Variants in FAM20B observed in about 807,000 individuals in gnomAD.
The protein encoded by FAM20B is FAM20B glycosaminoglycan xylosylkinase.
In FAM20B, 23 loss-of-function variants were observed where a neutral mutation model predicts 43.8. The observed-to-expected ratio is 0.53, with a 90% CI of 0.38 to 0.74. The LOEUF (loss-of-function observed/expected upper bound fraction) is 0.74, where lower values mean the gene tolerates loss of function less well. Ranked by LOEUF, FAM20B falls within the 30% of genes least tolerant of loss-of-function variation. FAM20B has a pLI of 0.00. For missense variants in FAM20B, 440 were observed against 510.5 expected (o/e 0.86, Z 1.33); for synonymous variants, 178 against 192.4 (o/e 0.93, Z 0.62).
chr1:179,046,703 TTAAA>T (rs1650788129), intron 2 of FAM20B, among the ~76,000 whole-genome samples: 1 of 147,246 alleles, frequency 6.8e-6, no homozygotes, highest in African/African-American at 2.5e-5. Context: ...CATTTTGTGT[TTAAA>T]TAAGAGGAGA....
intron 2 of FAM20B, among the ~76,000 whole-genome samples, chr1:179,045,630 C>T (rs1281567283): frequency 6.6e-5 from 10 of 152,036 alleles, no homozygotes; most frequent in Admixed American, 3.3e-4. Flanking sequence ...TGGGGCTGGG[C>T]GTGATGGCTC....
intron 2 of FAM20B, among the ~76,000 whole-genome samples, chr1:179,045,112 G>A (rs1650707510): frequency 1.3e-5 from 2 of 152,144 alleles, no homozygotes; most frequent in Admixed American, 1.3e-4. Context: ...GATCTACAGA[G>A]ATAATTTGTG....
chr1:179,047,478 C>G (rs924008857), intron 2 of FAM20B, among the ~76,000 whole-genome samples: 1 of 152,142 alleles, frequency 6.6e-6, no homozygotes, highest in Non-Finnish European at 1.5e-5. Context: ...TCCTTTTGCT[C>G]TTTGTTTCTG....
At chr1:179,027,699 C>T (rs1649843361) in intron 1 of FAM20B, among the ~76,000 whole-genome samples, 1 of 152,188 alleles carries the variant, frequency 6.6e-6, no homozygotes, top group Admixed American at 6.5e-5. Context: ...ATGATCAAGA[C>T]ATCTTGGAGT....
intron 4 of FAM20B, among the ~76,000 whole-genome samples, chr1:179,061,366 G>T (rs1369490908): frequency 2.0e-5 from 3 of 149,654 alleles, no homozygotes; most frequent in African/African-American, 7.4e-5. Flanking sequence ...TTTTTTTTTT[G>T]AAATGCTCTC....
intron 2 of FAM20B, among the ~76,000 whole-genome samples, chr1:179,045,329 T>C (rs1205351184): frequency 2.0e-5 from 3 of 152,242 alleles, no homozygotes; most frequent in Non-Finnish European, 4.4e-5. Flanking sequence ...CTGAAATCTT[T>C]TGGGTACTAA....
intron 1 of FAM20B, among the ~76,000 whole-genome samples, 184 bp downstream of exon 1, chr1:179,026,282 G>A (rs1649770096): frequency 6.6e-6 from 1 of 151,444 alleles, no homozygotes; most frequent in South Asian, 2.1e-4. Flanking sequence ...CCGAGTGGCT[G>A]CGGGCGGGTC....
intron 4 of FAM20B, among the ~76,000 whole-genome samples, chr1:179,058,068 C>G (rs984426480): frequency 1.3e-5 from 2 of 152,106 alleles, no homozygotes; most frequent in African/African-American, 4.8e-5. Context: ...AATTAAAATA[C>G]ATAGACTTAT....
In FAM20B at chr1:179,076,475, C is replaced by G. The variant is rs1652132693; in HGVS notation, c.*4331C>G. 1 of 152,384 alleles carries G rather than the reference C, an allele frequency of 6.6e-6. No individual in the cohort carries two copies. The highest frequency in any genetic ancestry group is 2.1e-4 in the South Asian group (1 of 4,804). The allele number at this position is 152,384 out of a possible 1,614,324, so 9.4% of individuals were successfully genotyped here. Reference sequence around the variant, plus strand: ...ACAGAGATTGTACTTGGTAAGATACCAAACAAGACAGATATGGATCTAAAT... The same window carrying G: ...ACAGAGATTGTACTTGGTAAGATACGAAACAAGACAGATATGGATCTAAAT... On this transcript the variant is annotated 3_prime_UTR_variant, in exon 8 of 8. Transcript: ENST00000263733.
At chr1:179,041,671 G>GGAGGGAGAGGGAGAGGGA (rs71108086) in intron 1 of FAM20B, among the ~76,000 whole-genome samples, 2 of 141,146 alleles carry the variant, frequency 1.4e-5, no homozygotes, top group African/African-American at 5.7e-5. Context: ...TGGGAGACAG[G>GGAGGGAGAGGGAGAGGGA]GAGGGAGAGG....
chr1:179,044,112 C>T lies in FAM20B; in HGVS notation c.265C>T (p.His89Tyr), dbSNP rs772801458. The T allele has an allele frequency of 9.3e-6, 15 of 1,613,980 alleles. No individual in the cohort carries two copies. The highest frequency in any genetic ancestry group is 1.2e-5 in the Non-Finnish European group (14 of 1,180,012). Residue 89 changes from histidine to tyrosine, a missense_variant, in exon 2 of 8, where the codon CAT becomes TAT. Physicochemically the swap from His to Tyr is moderately conservative, Grantham distance 83 (BLOSUM62 2). Coordinates refer to ENST00000263733, the MANE Select transcript of FAM20B (RefSeq NM_014864.4). ...EETPELGAVM[H>Y]AMATKKIIKA... ...GACACCAGAGCTGGGGGCAGTCATG[C>T]ATGCCATGGCCACCAAGAAAATCAT...
chr1:179,041,472 G>A (rs11581232), intron 1 of FAM20B, among the ~76,000 whole-genome samples: 117,726 of 152,062 alleles, frequency 0.77, 46,501 homozygotes, highest in African/African-American at 0.93. Flanking sequence ...CGGCCAACAC[G>A]GCAAAACCCC....
intron 1 of FAM20B, among the ~76,000 whole-genome samples, chr1:179,033,331 ACTTTGTTAATTATGTAT>A (rs1650085290): frequency 6.6e-6 from 1 of 152,218 alleles, no homozygotes; most frequent in African/African-American, 2.4e-5. Flanking sequence ...CCTTTAAGAG[ACTTTGTTAATTATGTAT>A]CTTTCTAAAT....
intron 1 of FAM20B, among the ~76,000 whole-genome samples, chr1:179,036,916 G>C (rs1650257138): frequency 1.3e-5 from 2 of 152,148 alleles, no homozygotes; most frequent in African/African-American, 4.8e-5. Flanking sequence ...GGAGGAGATT[G>C]GAAGAAATGT....
chr1:179,030,891 AAAT>A (rs1649982981), intron 1 of FAM20B, among the ~76,000 whole-genome samples: 1 of 151,954 alleles, frequency 6.6e-6, no homozygotes, highest in Non-Finnish European at 1.5e-5. Context: ...AAAAAAAAAA[AAAT>A]GTGTGTGTGT....
chr1:179,034,311 A>G (rs1400561335), intron 1 of FAM20B, among the ~76,000 whole-genome samples: 1 of 152,190 alleles, frequency 6.6e-6, no homozygotes, highest in African/African-American at 2.4e-5. Context: ...AGTCATTTCC[A>G]CAACATTCTA....
Position 179,050,360 on chromosome 1 carries a change from G to C in FAM20B, c.459G>C (p.Leu153Phe). 1 of 1,612,370 alleles carries C rather than the reference G, an allele frequency of 6.2e-7. No homozygotes were observed. The highest frequency in any genetic ancestry group is 8.5e-7 in the Non-Finnish European group (1 of 1,178,456). ...ATGCAGAGGTAGCAGCCTTTCACTT[G>C]GACAGGTGCGTATGATCACAGCAGC... ...RHNAEVAAFHLDRILGFHRAP... is the reference protein window; with the variant it reads ...RHNAEVAAFHFDRILGFHRAP... Residue 153 changes from leucine to phenylalanine, a missense_variant, in exon 3 of 8, where the codon TTG becomes TTC. Coordinates refer to ENST00000263733, the MANE Select transcript of FAM20B (RefSeq NM_014864.4).
chr1:179,019,947 G>T, the FAM20B span, among the ~76,000 whole-genome samples: 1 of 152,116 alleles, frequency 6.6e-6, no homozygotes, highest in South Asian at 2.1e-4. Flanking sequence ...GCCCCAGAGG[G>T]GTACAGCAGC....
Position 179,074,342 on chromosome 1 carries a change from G to A in FAM20B, c.*2198G>A, listed in dbSNP as rs887651168. Reference sequence around the variant, plus strand: ...CACAGCTCAGTATGAGAATACCTTGGTTAGTGCTCACCCACAAGCTTCCAG... The same window carrying A: ...CACAGCTCAGTATGAGAATACCTTGATTAGTGCTCACCCACAAGCTTCCAG... On this transcript the variant is annotated 3_prime_UTR_variant, in exon 8 of 8. Transcript: ENST00000263733. 4 of 152,648 alleles carry A rather than the reference G, an allele frequency of 2.6e-5. No homozygotes were observed. Among genetic ancestry groups the A allele is most frequent in the African/African-American group, 9.7e-5 (4 of 41,446 alleles). The allele number at this position is 152,648 out of a possible 1,614,324, so 9.5% of individuals were successfully genotyped here. A position where few individuals can be genotyped will look rare whatever the true frequency, so the allele number is the denominator to read the frequency against.
Sources: gnomAD v4.1 joint callset for allele counts (sites outside exome capture counted in the v4.1 genomes callset) on GRCh38, gnomAD v4.1.1 for gene constraint, MANE v1.5 for transcripts, NCBI Gene and HGNC (gene_info 2026-07-23, HGNC 2026-07-21) for gene names.